SLC35F3: variants seen among roughly 807,000 people sequenced by gnomAD.
The protein encoded by SLC35F3 is putative thiamine transporter SLC35F3.
Under a neutral mutation model 49.9 loss-of-function variants are expected in SLC35F3, and 25 were observed. The observed-to-expected ratio is 0.50, with a 90% CI of 0.37 to 0.70. The LOEUF is 0.70. Among genes scored for constraint, SLC35F3 ranks in the 30% least tolerant of loss-of-function variants. SLC35F3 has a pLI of 0.00. For synonymous variants in SLC35F3, 275 were observed against 265.4 expected (o/e 1.04, Z -0.35); for missense variants, 525 against 639.8 (o/e 0.82, Z 1.94).
intron 2 of SLC35F3, among the ~76,000 whole-genome samples, chr1:234,225,876 T>C (rs1325957359): frequency 6.6e-6 from 1 of 152,232 alleles, no homozygotes; most frequent in African/African-American, 2.4e-5. Context: ...TGACACACGC[T>C]ACAACGTGGA....
intron 2 of SLC35F3, among the ~76,000 whole-genome samples, chr1:234,024,608 A>G (rs375072442): frequency 1.4e-4 from 21 of 152,162 alleles, no homozygotes; most frequent in East Asian, 7.7e-4. Context: ...AGGACACCAC[A>G]TGATGAAGGA....
intron 2 of SLC35F3, among the ~76,000 whole-genome samples, chr1:234,025,459 C>T (rs1371683687): frequency 6.6e-6 from 1 of 152,194 alleles, no homozygotes; most frequent in African/African-American, 2.4e-5. Flanking sequence ...ATAGCCTTTT[C>T]TTGGCAAGCT....
In SLC35F3 at chr1:233,957,418, C is replaced by T. The variant is rs968102830; in HGVS notation, c.283+51660C>T. On this transcript the variant is annotated intron_variant, in intron 2 of 7. Transcript: ENST00000366618. The surrounding 1 kb of genome is among the most constrained non-coding windows in gnomAD (Gnocchi z 4.0). ...CCTTTGTAGCCTCATTTATTCCACT[C>T]CTTTCAGGATTCCCTGTATTCTAGC... Among the ~76,000 whole-genome samples the T allele has an allele frequency of 6.6e-6, 1 of 152,216 alleles. No individual in the cohort carries two copies. The highest frequency in any genetic ancestry group is 2.4e-5 in the African/African-American group (1 of 41,462).
rs148016860 is a variant in SLC35F3 at position 234,086,588 on chromosome 1, G to C, written c.284-144829G>C. Among the ~76,000 whole-genome samples the C allele has an allele frequency of 2.4e-3, 372 of 152,346 alleles. 1 individual carries two copies. Among genetic ancestry groups the C allele is most frequent in the African/African-American group, 8.6e-3 (357 of 41,584 alleles). ...CCTACAAAATCCTTCACATAGCACA[G>C]TATAAGCCTGATTACACATGATTAA... is the stretch of plus-strand genomic sequence containing the variant. On this transcript the variant is annotated intron_variant, in intron 2 of 7. Coordinates refer to ENST00000366618, the MANE Select transcript of SLC35F3 (RefSeq NM_173508.4).
At chr1:234,207,601 C>T (rs1220171228) in intron 2 of SLC35F3, among the ~76,000 whole-genome samples, 2 of 151,412 alleles carry the variant, frequency 1.3e-5, no homozygotes, top group Non-Finnish European at 2.9e-5. Context: ...TAGGAGATTA[C>T]CTAGTTGGTG....
chr1:234,138,477 A>G (rs1050691934), intron 2 of SLC35F3, among the ~76,000 whole-genome samples: 8 of 152,214 alleles, frequency 5.3e-5, no homozygotes, highest in African/African-American at 1.9e-4. Context: ...GACCAAGAGA[A>G]GAGGTGCTGA....
At chr1:234,211,300 A>G (rs1193030169) in intron 2 of SLC35F3, among the ~76,000 whole-genome samples, 1 of 152,256 alleles carries the variant, frequency 6.6e-6, no homozygotes, top group African/African-American at 2.4e-5. Context: ...CCACACACAC[A>G]GTCCCTACTG....
chr1:234,248,425 T>C (rs113679678), intron 3 of SLC35F3, among the ~76,000 whole-genome samples: 3,858 of 21,024 alleles, frequency 0.18, no homozygotes, highest in Middle Eastern at 0.3. Context: ...GCTGGTGCAT[T>C]GTTTGGTGGG....
At chr1:234,242,104 T>C (rs137945594) in intron 3 of SLC35F3, among the ~76,000 whole-genome samples, 3 of 152,304 alleles carry the variant, frequency 2.0e-5, no homozygotes, top group Non-Finnish European at 4.4e-5. Flanking sequence ...ACAGGAATCG[T>C]GGGAAATTGC....
chr1:234,016,034 A>AT (rs903297122), intron 2 of SLC35F3, among the ~76,000 whole-genome samples: 49 of 152,348 alleles, frequency 3.2e-4, no homozygotes, highest in African/African-American at 1.1e-3. Context: ...TGCCCAAGAG[A>AT]TATGTTTTAA....
chr1:233,972,035 G>A (rs760362286), intron 2 of SLC35F3, among the ~76,000 whole-genome samples: 21 of 152,242 alleles, frequency 1.4e-4, no homozygotes, highest in African/African-American at 1.9e-4. Context: ...AGCAGCTGGT[G>A]GCTGTCACTC....
At chr1:234,015,520 T>C (rs143464968) in intron 2 of SLC35F3, among the ~76,000 whole-genome samples, 1 of 152,174 alleles carries the variant, frequency 6.6e-6, no homozygotes, top group Admixed American at 6.5e-5. Context: ...TTTCAGTCAA[T>C]TGATTTTCAA....
At chr1:234,170,895 G>A (rs1340155598) in intron 2 of SLC35F3, among the ~76,000 whole-genome samples, 1 of 152,206 alleles carries the variant, frequency 6.6e-6, no homozygotes, top group Non-Finnish European at 1.5e-5. Context: ...ATCTTGGCAA[G>A]CCAAAGCAGT....
At chr1:234,207,257 C>G (rs1666984280) in intron 2 of SLC35F3, among the ~76,000 whole-genome samples, 2 of 151,720 alleles carry the variant, frequency 1.3e-5, no homozygotes, top group South Asian at 4.2e-4. Context: ...GGGGAGCCAC[C>G]GTGGCTTCAT....
In SLC35F3 at chr1:234,129,431, A is replaced by G. The variant is rs570129945; in HGVS notation, c.284-101986A>G. On this transcript the variant is annotated intron_variant, in intron 2 of 7. Transcript: ENST00000366618. The stretch of plus-strand genomic sequence containing the variant: ...ACTACAAAACTACAAAAGATTGCAG[A>G]AAAATATTAGAGAAGACCTAAATAA... Among the ~76,000 whole-genome samples the G allele has an allele frequency of 7.2e-5, 11 of 152,346 alleles. No homozygotes were observed. The South Asian group carries it at 1.4e-3, about 20-fold the overall frequency.
chr1:234,270,848 T>C (rs762694834), intron 3 of SLC35F3, among the ~76,000 whole-genome samples: 11 of 152,220 alleles, frequency 7.2e-5, no homozygotes, highest in Admixed American at 1.3e-4. Context: ...GCAGGTGTTG[T>C]AGTGGCCCAG....
In SLC35F3 at chr1:233,959,462, C is replaced by T. The variant is rs188012411; in HGVS notation, c.283+53704C>T. On this transcript the variant is annotated intron_variant, in intron 2 of 7. Transcript: ENST00000366618. Reference sequence around the variant, plus strand: ...GAAAAGCATTTCATGGGGTAGCAGGCATAGGGAGGGTTAGCAGCAAACAAT... The same window carrying T: ...GAAAAGCATTTCATGGGGTAGCAGGTATAGGGAGGGTTAGCAGCAAACAAT... Among the ~76,000 whole-genome samples the T allele has an allele frequency of 7.9e-5, 12 of 152,162 alleles. 1 individual carries two copies. In the East Asian group the frequency reaches 2.3e-3, roughly 29 times the overall value.
At chr1:234,216,941 T>C (rs967437749) in intron 2 of SLC35F3, among the ~76,000 whole-genome samples, 5 of 152,218 alleles carry the variant, frequency 3.3e-5, no homozygotes, top group Admixed American at 6.5e-5. Flanking sequence ...CTGGCTCACA[T>C]ATAGCTCTTT....
chr1:234,149,684 G>A (rs1316316757), intron 2 of SLC35F3, among the ~76,000 whole-genome samples: 1 of 152,116 alleles, frequency 6.6e-6, no homozygotes, highest in East Asian at 1.9e-4. Context: ...TATGTTTCAT[G>A]TTTGATATTT....
Sources: gnomAD v4.1 joint callset for allele counts (sites outside exome capture counted in the v4.1 genomes callset) on GRCh38, gnomAD v4.1.1 for gene constraint, Gnocchi (gnomAD v3.1) non-coding constraint, MANE v1.5 for transcripts, NCBI Gene and HGNC (gene_info 2026-07-23, HGNC 2026-07-21) for gene names.